DMRT3: variants seen among roughly 807,000 people sequenced by gnomAD.
DMRT3 encodes doublesex and mab-3 related transcription factor 3.
A neutral mutation model predicts 34.9 loss-of-function variants in DMRT3; 29 were observed. The observed-to-expected ratio is 0.83, with a 90% CI of 0.62 to 1.13. The LOEUF (loss-of-function observed/expected upper bound fraction) is 1.13. Among genes scored for constraint, DMRT3 ranks in the 50% most tolerant of loss-of-function variants. The pLI, the probability that DMRT3 is intolerant of heterozygous loss-of-function variation, is 0.00. For missense variants in DMRT3, 772 were observed against 629.1 expected (o/e 1.23, Z -2.43); for synonymous variants, 350 against 286.0 (o/e 1.22, Z -2.26).
rs535058770 is a variant in DMRT3, at chr9:990,888, G to A, written c.1302G>A (p.Arg434=). 1.1e-4 allele frequency: 185 copies of A among 1,614,126 alleles called. 4 individuals are homozygous for A. In the South Asian group the frequency reaches 1.9e-3, roughly 17 times the overall value. ...CTGCCCGCGCCACGGAAGACCCTCGGATTTCCATCCCTGATGATGGGTGTC... is the reference window on the plus strand; with the variant it reads ...CTGCCCGCGCCACGGAAGACCCTCGAATTTCCATCCCTGATGATGGGTGTC... ...VLPARATEDP[R]ISIPDDGCPF... Residue 434 remains arginine, a synonymous_variant, in exon 2 of 2, where the codon CGG becomes CGA. Transcript: ENST00000190165.
Position 990,887 on chromosome 9 carries a change from G to A in DMRT3, c.1301G>A (p.Arg434Gln), listed in dbSNP as rs537931256. ...VLPARATEDP[R>Q]ISIPDDGCPF... is the part of the protein sequence containing the mutation. ...CCTGCCCGCGCCACGGAAGACCCTCGGATTTCCATCCCTGATGATGGGTGT... is the reference window on the plus strand; with the variant it reads ...CCTGCCCGCGCCACGGAAGACCCTCAGATTTCCATCCCTGATGATGGGTGT... Residue 434 changes from arginine to glutamine, a missense_variant, in exon 2 of 2, where the codon CGG becomes CAG. Physicochemically the swap from Arg to Gln is conservative, Grantham distance 43 (BLOSUM62 1). Transcript: ENST00000190165. The A allele has an allele frequency of 1.9e-5, 30 of 1,613,962 alleles. No individual in the cohort carries two copies. Among genetic ancestry groups the A allele is most frequent in the South Asian group, 3.3e-5 (3 of 91,080 alleles).
intron 1 of DMRT3, among the ~76,000 whole-genome samples, chr9:986,736 C>T (rs919378762): frequency 6.6e-6 from 1 of 151,786 alleles, no homozygotes. Flanking sequence ...ACTACAAATA[C>T]AAAAATTAGC....
At chr9:984,006 T>A (rs1425402321) in intron 1 of DMRT3, among the ~76,000 whole-genome samples, 1 of 152,076 alleles carries the variant, frequency 6.6e-6, no homozygotes, top group Non-Finnish European at 1.5e-5. Context: ...TTCCCTGGTG[T>A]TCTTTAGATT....
Position 977,318 on chromosome 9 carries a change from C to T in DMRT3, c.317C>T (p.Ala106Val). The change falls in exon 1 of 2, where the codon GCC (alanine) becomes GTC (valine). Residue 106 changes from alanine to valine, a missense_variant. Coordinates refer to ENST00000190165, the MANE Select transcript of DMRT3 (RefSeq NM_021240.4). ...CCGCCGCCGGGGGACGCCGTCGCCG[C>T]CCCGCAGCCGCCGCCAGCCTCTCAG... The part of the protein sequence containing the change: ...GPPPPGDAVA[A>V]PQPPPASQPS... 5 of 1,314,684 alleles carry T rather than the reference C, an allele frequency of 3.8e-6. No homozygotes were observed. Among genetic ancestry groups the T allele is most frequent in the Non-Finnish European group, 4.8e-6 (5 of 1,031,668 alleles). The allele number at this position is 1,314,684 out of a possible 1,614,324, so 81.4% of individuals were successfully genotyped here. A position where few individuals can be genotyped will look rare whatever the true frequency, so the allele number is the denominator to read the frequency against.
intron 1 of DMRT3, among the ~76,000 whole-genome samples, chr9:989,600 T>C (rs934413276): frequency 1.3e-5 from 2 of 152,224 alleles, no homozygotes; most frequent in Admixed American, 6.5e-5. Flanking sequence ...ATCTGGATGG[T>C]ACTATCCCTA....
chr9:976,970 C>A lies in DMRT3; in HGVS notation c.-32C>A, dbSNP rs772915950. 1 of 1,441,776 alleles carries A rather than the reference C, an allele frequency of 6.9e-7. No individual in the cohort carries two copies. The highest frequency in any genetic ancestry group is 1.5e-5 in the South Asian group (1 of 68,510). The allele number at this position is 1,441,776 out of a possible 1,614,324, so 89.3% of individuals were successfully genotyped here. On this transcript the variant is annotated 5_prime_UTR_variant, in exon 1 of 2. Coordinates refer to ENST00000190165, the MANE Select transcript of DMRT3 (RefSeq NM_021240.4). This position sits in a 1 kb window ranked among gnomAD's most constrained non-coding sequence, Gnocchi z 4.5. ...AGCGCTCCCTGGCCCTCTCCCGCAG[C>A]CAGGCTGCCAACTCATTCGGGAGCC... is the stretch of plus-strand genomic sequence containing the variant.
chr9:978,996 T>A (rs1004968429), intron 1 of DMRT3, among the ~76,000 whole-genome samples: 1 of 152,340 alleles, frequency 6.6e-6, no homozygotes, highest in East Asian at 1.9e-4. Context: ...AGCTCTAGAA[T>A]TGGATTTGTA....
intron 1 of DMRT3, among the ~76,000 whole-genome samples, chr9:985,400 A>G (rs1031538184): frequency 3.9e-5 from 6 of 152,140 alleles, no homozygotes; most frequent in African/African-American, 1.4e-4. Context: ...AGTATTTCCT[A>G]TTTTATTTTG....
chr9:986,543 G>A (rs911283382), intron 1 of DMRT3, among the ~76,000 whole-genome samples: 1 of 152,140 alleles, frequency 6.6e-6, no homozygotes, highest in African/African-American at 2.4e-5. Context: ...TAAAGTGGGG[G>A]CAGGGGATGT....
chr9:986,388 T>G (rs1820282451), intron 1 of DMRT3, among the ~76,000 whole-genome samples: 1 of 152,038 alleles, frequency 6.6e-6, no homozygotes, highest in South Asian at 2.1e-4. Flanking sequence ...AGTGAGAACC[T>G]CATTCCCTAA....
In DMRT3 at chr9:991,520, A is replaced by G. The variant is rs2130080218; in HGVS notation, c.*515A>G. 1 of 153,466 alleles carries G rather than the reference A, an allele frequency of 6.5e-6. No homozygotes were observed. Among genetic ancestry groups the G allele is most frequent in the East Asian group, 1.9e-4 (1 of 5,194 alleles). The allele number at this position is 153,466 out of a possible 1,614,324, so 9.5% of individuals were successfully genotyped here. On this transcript the variant is annotated 3_prime_UTR_variant, in exon 2 of 2. Coordinates refer to ENST00000190165, the MANE Select transcript of DMRT3 (RefSeq NM_021240.4). Reference sequence around the variant, plus strand: ...CTTAAGAATAGAGTGAACTGCTCATATGCTTATTTAAGCTTGGACAGTTTT... The same window carrying G: ...CTTAAGAATAGAGTGAACTGCTCATGTGCTTATTTAAGCTTGGACAGTTTT...
chr9:976,966 G>C lies in DMRT3; in HGVS notation c.-36G>C. The C allele has an allele frequency of 7.0e-7, 1 of 1,433,558 alleles. No individual in the cohort carries two copies. Among genetic ancestry groups the C allele is most frequent in the Non-Finnish European group, 9.2e-7 (1 of 1,091,290 alleles). 88.8% of individuals were successfully genotyped at this position (1,433,558 alleles called of 1,614,324 possible). On this transcript the variant is annotated 5_prime_UTR_variant, in exon 1 of 2. Coordinates refer to ENST00000190165, the MANE Select transcript of DMRT3 (RefSeq NM_021240.4). The surrounding 1 kb of genome is among the most constrained non-coding windows in gnomAD (Gnocchi z 4.5). ...GTCCAGCGCTCCCTGGCCCTCTCCC[G>C]CAGCCAGGCTGCCAACTCATTCGGG...
Position 991,201 on chromosome 9 carries a change from G to A in DMRT3, c.*196G>A. ...TCACTGGAAAATGCCAAATAGCTCT[G>A]TTCTGTGGCTTTAGTGCTGAATGTT... is the stretch of plus-strand genomic sequence containing the variant. On this transcript the variant is annotated 3_prime_UTR_variant, in exon 2 of 2. Coordinates refer to ENST00000190165, the MANE Select transcript of DMRT3 (RefSeq NM_021240.4). The A allele has an allele frequency of 1.6e-6, 1 of 637,824 alleles. No homozygotes were observed. Among genetic ancestry groups the A allele is most frequent in the Non-Finnish European group, 2.6e-6 (1 of 386,888 alleles). The allele number at this position is 637,824 out of a possible 1,614,324, so 39.5% of individuals were successfully genotyped here.
chr9:989,887 T>C (rs562553045), intron 1 of DMRT3, 154 bp from the exon 2 acceptor site: 20 of 902,136 alleles, frequency 2.2e-5, no homozygotes, highest in South Asian at 6.3e-5. Context: ...GCCAGTGATA[T>C]AGTTCGAATT....
In DMRT3 at chr9:977,054, C is replaced by G; in HGVS notation, c.53C>G (p.Pro18Arg). The change falls in exon 1 of 2, where the codon CCG (proline) becomes CGG (arginine). Residue 18 changes from proline (P) to arginine (R), a missense_variant. Transcript: ENST00000190165. Reference protein sequence around the residue: ...YLYMGGPVSQPPRAPLQRTPK... With the variant: ...YLYMGGPVSQRPRAPLQRTPK... ...TACATGGGCGGCCCGGTGTCGCAGC[C>G]GCCACGGGCGCCCCTGCAGCGCACG... The G allele has an allele frequency of 6.4e-7, 1 of 1,571,996 alleles. No individual in the cohort carries two copies.
Position 991,021 on chromosome 9 carries a change from G to A in DMRT3, c.*16G>A. On this transcript the variant is annotated 3_prime_UTR_variant, in exon 2 of 2. Coordinates refer to ENST00000190165, the MANE Select transcript of DMRT3 (RefSeq NM_021240.4). ...ATCATCTTAAAGTGGTGCTGGATGG[G>A]TGGTGGCCAGGTGACATTTTCTGTG... 6.3e-7 allele frequency: 1 copy of A among 1,590,816 alleles called. No homozygotes were observed. The highest frequency in any genetic ancestry group is 8.6e-7 in the Non-Finnish European group (1 of 1,164,562).
At chr9:984,340 C>T (rs1820256625) in intron 1 of DMRT3, among the ~76,000 whole-genome samples, 1 of 152,148 alleles carries the variant, frequency 6.6e-6, no homozygotes, top group South Asian at 2.1e-4. Context: ...AGGAAATATT[C>T]CTCTCTGCTC....
Position 977,474 on chromosome 9 carries a change from C to A in DMRT3, c.454+19C>A, listed in dbSNP as rs1229939434. 6 of 1,277,188 alleles carry A rather than the reference C, an allele frequency of 4.7e-6. No individual in the cohort carries two copies. The highest frequency in any genetic ancestry group is 5.9e-6 in the Non-Finnish European group (6 of 1,011,046). The allele number at this position is 1,277,188 out of a possible 1,614,324, so 79.1% of individuals were successfully genotyped here. Reference sequence around the variant, plus strand: ...AAGCCAGGTAAGAGCGTCTGAGGTGCGGGAGTTTGGCCGGGCGCGGGGGCA... The same window carrying A: ...AAGCCAGGTAAGAGCGTCTGAGGTGAGGGAGTTTGGCCGGGCGCGGGGGCA... On this transcript the variant is annotated intron_variant, in intron 1 of 1. Transcript: ENST00000190165.
intron 1 of DMRT3, among the ~76,000 whole-genome samples, chr9:982,499 G>C (rs781607549): frequency 1.4e-4 from 22 of 152,196 alleles, no homozygotes; most frequent in Non-Finnish European, 2.6e-4. Flanking sequence ...AGTAATCACA[G>C]GAGGACAGTG....
Sources: gnomAD v4.1 joint callset for allele counts (sites outside exome capture counted in the v4.1 genomes callset) on GRCh38, gnomAD v4.1.1 for gene constraint, Gnocchi (gnomAD v3.1) non-coding constraint, MANE v1.5 for transcripts, NCBI Gene and HGNC (gene_info 2026-07-23, HGNC 2026-07-21) for gene names.